Variants in DENND1B observed in about 807,000 individuals in gnomAD.
DENND1B encodes the protein DENN domain-containing protein 1B.
DENND1B carries 59 observed loss-of-function variants against 90.1 expected under a neutral mutation model. The observed-to-expected ratio is 0.65, with a 90% confidence interval of 0.53 to 0.81. DENND1B has a LOEUF of 0.81. DENND1B is among the 40% of genes least tolerant of loss of function. The pLI, the probability that DENND1B is intolerant of heterozygous loss-of-function variation, is 0.00. For missense variants in DENND1B, 862 were observed against 912.6 expected, an observed-to-expected ratio of 0.94 and a Z score of 0.71; for synonymous variants, 337 against 324.6, an observed-to-expected ratio of 1.04 and a Z score of -0.41.
At chr1:197,722,013 T>A (rs777816439) in intron 2 of DENND1B, among the ~76,000 whole-genome samples, 1 of 152,146 alleles carries the variant, frequency 6.6e-6, no homozygotes, top group East Asian at 1.9e-4. Context: ...ATATTGGTAG[T>A]CCATATCTAA....
chr1:197,624,906 A>T (rs1189644860), intron 10 of DENND1B, among the ~76,000 whole-genome samples: 1 of 151,924 alleles, frequency 6.6e-6, no homozygotes, highest in Non-Finnish European at 1.5e-5. Flanking sequence ...CAACTGGAAG[A>T]AAGGGTATCA....
intron 3 of DENND1B, among the ~76,000 whole-genome samples, chr1:197,697,769 C>A (rs1658592305): frequency 6.6e-6 from 1 of 151,928 alleles, no homozygotes; most frequent in African/African-American, 2.4e-5. Flanking sequence ...GATTGTAGTC[C>A]TAGTCTCTGA....
At chr1:197,571,974 C>T (rs1673196496) in intron 15 of DENND1B, among the ~76,000 whole-genome samples, 1 of 152,092 alleles carries the variant, frequency 6.6e-6, no homozygotes, top group Admixed American at 6.5e-5. Flanking sequence ...AGGAACAGCT[C>T]TGGTCTGCAG....
At chr1:197,756,672 A>G (rs896317911) in intron 2 of DENND1B, among the ~76,000 whole-genome samples, 2 of 151,772 alleles carry the variant, frequency 1.3e-5, no homozygotes, top group Admixed American at 1.3e-4. Context: ...AGACTTTCAG[A>G]AAAGCATGGG....
At position 197,747,023 on chromosome 1, in the gene DENND1B, C is replaced by A; in HGVS notation, c.82+25845G>T. On this transcript the variant is annotated intron_variant, in intron 2 of 22. Coordinates refer to ENST00000620048, the MANE Select transcript of DENND1B (RefSeq NM_001195215.2). ...GATTTCTCAACATTTTTCCTTTTAA[C>A]ATGGCGTTCAAATCAATCATTGACT... The A allele has an allele frequency of 5.9e-6, 5 of 846,666 alleles. No individual in the cohort carries two copies. The South Asian group carries it at 6.6e-5, about 11-fold the overall frequency. The allele number at this position is 846,666 out of a possible 1,614,324, so 52.4% of individuals were successfully genotyped here. A position where few individuals can be genotyped will look rare whatever the true frequency, so the allele number is the denominator to read the frequency against.
intron 15 of DENND1B, among the ~76,000 whole-genome samples, chr1:197,579,795 G>T (rs530860567): frequency 6.6e-6 from 1 of 152,150 alleles, no homozygotes; most frequent in East Asian, 1.9e-4. Context: ...GATTTGATCT[G>T]CAATTACACA....
chr1:197,585,978 C>T (rs1674658824), intron 14 of DENND1B, among the ~76,000 whole-genome samples: 1 of 152,172 alleles, frequency 6.6e-6, no homozygotes, highest in Admixed American at 6.5e-5. Context: ...TGGTTAACTA[C>T]ATTGTTAAAC....
intron 10 of DENND1B, among the ~76,000 whole-genome samples, chr1:197,627,303 A>G (rs1042149340): frequency 6.6e-6 from 1 of 152,202 alleles, no homozygotes; most frequent in African/African-American, 2.4e-5. Context: ...AACCGAATCC[A>G]GCAGCATATC....
intron 15 of DENND1B, among the ~76,000 whole-genome samples, chr1:197,557,185 A>T (rs1671787715): frequency 6.6e-6 from 1 of 152,018 alleles, no homozygotes; most frequent in Admixed American, 6.6e-5. Flanking sequence ...GTAACACAGT[A>T]TTATAAATCA....
At chr1:197,588,874 A>G (rs1039469365) in intron 14 of DENND1B, among the ~76,000 whole-genome samples, 1 of 152,136 alleles carries the variant, frequency 6.6e-6, no homozygotes, top group Admixed American at 6.5e-5. Context: ...CCTCACAGTC[A>G]AACTATAAAG....
the DENND1B span, among the ~76,000 whole-genome samples, chr1:197,781,098 C>G: frequency 6.6e-6 from 1 of 151,894 alleles, no homozygotes; most frequent in Non-Finnish European, 1.5e-5. Context: ...CTTCTGAATG[C>G]GAAATAATAA....
chr1:197,527,811 T>C (rs1669255702), intron 20 of DENND1B, among the ~76,000 whole-genome samples: 1 of 152,202 alleles, frequency 6.6e-6, no homozygotes, highest in Non-Finnish European at 1.5e-5. Flanking sequence ...CTTTCTTTTT[T>C]TGATTTACAA....
intron 2 of DENND1B, among the ~76,000 whole-genome samples, chr1:197,761,370 GA>G (rs998918113): frequency 5.0e-4 from 75 of 150,422 alleles, no homozygotes; most frequent in African/African-American, 1.4e-3. Flanking sequence ...TCTTGAAGAA[GA>G]AAAAAAAAGA....
chr1:197,774,074 GT>G (rs1324674899), intron 1 of DENND1B, among the ~76,000 whole-genome samples: 5 of 152,140 alleles, frequency 3.3e-5, no homozygotes, highest in Non-Finnish European at 7.3e-5. Flanking sequence ...CTATTAACTT[GT>G]TTCAATGGGA....
intron 3 of DENND1B, among the ~76,000 whole-genome samples, chr1:197,713,801 T>TTATAATATATTATATATAATATATTATA (rs1469792150): frequency 6.1e-5 from 2 of 32,590 alleles, no homozygotes; most frequent in Non-Finnish European, 1.2e-4. Flanking sequence ...TATTATTATA[T>TTATAATATATTATATATAATATATTATA]TATAATATAT....
intron 2 of DENND1B, among the ~76,000 whole-genome samples, chr1:197,720,776 T>C (rs182015682): frequency 6.6e-6 from 1 of 152,108 alleles, no homozygotes; most frequent in African/African-American, 2.4e-5. Context: ...CAAAAAAGAA[T>C]AGTATGATAG....
At chr1:197,624,447 A>T (rs2125878503) in intron 10 of DENND1B, among the ~76,000 whole-genome samples, 1 of 151,796 alleles carries the variant, frequency 6.6e-6, no homozygotes, top group African/African-American at 2.4e-5. Context: ...CCTAAATGTA[A>T]AATGCAAAAC....
intron 15 of DENND1B, among the ~76,000 whole-genome samples, chr1:197,568,397 A>T (rs1672870850): frequency 6.6e-6 from 1 of 152,188 alleles, no homozygotes; most frequent in African/African-American, 2.4e-5. Flanking sequence ...GGATGGAAGA[A>T]TTAGCATTGC....
At chr1:197,629,159 C>T (rs1016373163) in intron 10 of DENND1B, among the ~76,000 whole-genome samples, 6 of 152,082 alleles carry the variant, frequency 3.9e-5, no homozygotes, top group African/African-American at 1.4e-4. Flanking sequence ...CCATTTGACC[C>T]AGCCATCCCA....
Sources: allele counts gnomAD v4.1 joint callset (sites outside exome capture counted in the v4.1 genomes callset), GRCh38; gene constraint gnomAD v4.1.1; transcripts MANE v1.5; gene names NCBI Gene and HGNC (gene_info 2026-07-23, HGNC 2026-07-21).